DHRS4L2: variants seen among roughly 807,000 people sequenced by gnomAD.
DHRS4L2 encodes dehydrogenase/reductase SDR family member 4-like 2.
A neutral mutation model predicts 23.9 loss-of-function variants in DHRS4L2; 22 were observed. The observed-to-expected ratio is 0.92, with a 90% CI of 0.66 to 1.31. The LOEUF (loss-of-function observed/expected upper bound fraction) is 1.31, where lower values mean the gene tolerates loss of function less well. Ranked by LOEUF, DHRS4L2 falls within the 40% of genes most tolerant of loss-of-function variation. The pLI is 0.00. For missense variants in DHRS4L2, 385 were observed against 303.3 expected (o/e 1.27, Z -2.00); for synonymous variants, 141 against 123.7 (o/e 1.14, Z -0.93).
chr14:23,997,524 C>T (rs1283801920), intron 3 of DHRS4L2, among the ~76,000 whole-genome samples: 1 of 138,176 alleles, frequency 7.2e-6, no homozygotes, highest in Admixed American at 7.2e-5. Flanking sequence ...CCACTGCTTA[C>T]TCTACTAAGT....
chr14:23,982,645 C>T (rs2034074457), intron 1 of DHRS4L2, among the ~76,000 whole-genome samples: 6 of 151,490 alleles, frequency 4.0e-5, no homozygotes, highest in Admixed American at 3.9e-4. Context: ...GCATAAATAA[C>T]ACCACACACC....
chr14:23,975,577 C>A (rs909832992), intron 1 of DHRS4L2, among the ~76,000 whole-genome samples: 1 of 151,704 alleles, frequency 6.6e-6, no homozygotes, highest in Non-Finnish European at 1.5e-5. Context: ...TTGGAAAAAA[C>A]TACTTTAAAT....
At chr14:23,999,414 T>C (rs2034447450) in intron 3 of DHRS4L2, among the ~76,000 whole-genome samples, 1 of 150,258 alleles carries the variant, frequency 6.7e-6, no homozygotes, top group East Asian at 1.9e-4. Context: ...GTCTATAACT[T>C]TTCTTTTAAT....
chr14:23,982,582 G>A lies in DHRS4L2; in HGVS notation c.-175-7600G>A, dbSNP rs537385135. On this transcript the variant is annotated intron_variant, in intron 1 of 5. Transcript: ENST00000534993. ...CTGCAAGGCTACAGTAACCAAGACA[G>A]CATGGTAATAGTACCAAACAGATAT... is the stretch of plus-strand genomic sequence containing the variant. 5.3e-5 allele frequency among the ~76,000 whole-genome samples: 8 copies of A among 151,562 alleles called. No homozygotes were observed. In the East Asian group the frequency reaches 1.5e-3, roughly 29 times the overall value.
At chr14:23,978,246 G>A (rs959436441) in intron 1 of DHRS4L2, among the ~76,000 whole-genome samples, 1 of 150,628 alleles carries the variant, frequency 6.6e-6, no homozygotes, top group South Asian at 2.1e-4. Flanking sequence ...AGCATTGTTT[G>A]AAATAGCAAA....
intron 7 of DHRS4L2, among the ~76,000 whole-genome samples, chr14:24,005,214 TTTTC>T (rs1347105462): frequency 1.9e-5 from 2 of 105,420 alleles, no homozygotes; most frequent in East Asian, 5.3e-4. Flanking sequence ...GGGCTTTTGT[TTTTC>T]TTTGTCTTTT....
intron 1 of DHRS4L2, among the ~76,000 whole-genome samples, chr14:23,974,583 C>T (rs1411419192): frequency 6.6e-6 from 1 of 151,796 alleles, no homozygotes; most frequent in Non-Finnish European, 1.5e-5. Flanking sequence ...AGTGATCCCA[C>T]AGAAATACAC....
chr14:23,996,909 A>G (rs1346624655), intron 3 of DHRS4L2, among the ~76,000 whole-genome samples: 4 of 152,154 alleles, frequency 2.6e-5, no homozygotes, highest in East Asian at 1.9e-4. Flanking sequence ...TATTGGGATT[A>G]CAGGCATGAG....
At chr14:23,976,509 G>C (rs2033970066) in intron 1 of DHRS4L2, among the ~76,000 whole-genome samples, 1 of 151,802 alleles carries the variant, frequency 6.6e-6, no homozygotes, top group South Asian at 2.1e-4. Flanking sequence ...GTTGGTGGGA[G>C]TGTAAATTAG....
intron 3 of DHRS4L2, 139 bp downstream of exon 3, chr14:23,995,272 C>T (rs1051054891): frequency 2.0e-6 from 2 of 999,512 alleles, no homozygotes; most frequent in Non-Finnish European, 3.1e-6. Flanking sequence ...TGGAGCACAC[C>T]TTGCAAAGGG....
intron 3 of DHRS4L2, among the ~76,000 whole-genome samples, chr14:23,999,539 A>G (rs1321119740): frequency 2.0e-5 from 3 of 147,200 alleles, no homozygotes; most frequent in African/African-American, 5.0e-5. Flanking sequence ...ATTGAGGCCA[A>G]TATGTTAGAT....
At chr14:23,972,870 G>A (rs1174754265) in intron 1 of DHRS4L2, among the ~76,000 whole-genome samples, 4 of 151,944 alleles carry the variant, frequency 2.6e-5, no homozygotes, top group Non-Finnish European at 5.9e-5. Flanking sequence ...TCAGTTCAAG[G>A]GAAGGTACTA....
At chr14:23,990,841 T>G (rs956851814) in intron 2 of DHRS4L2, 6 of 466,528 alleles carry the variant, frequency 1.3e-5, no homozygotes, top group Non-Finnish European at 1.7e-5. Flanking sequence ...TCTCTCAGTC[T>G]GCAGACCCTG....
intron 1 of DHRS4L2, among the ~76,000 whole-genome samples, chr14:23,972,726 C>A (rs981049208): frequency 5.9e-5 from 9 of 151,954 alleles, no homozygotes; most frequent in African/African-American, 2.2e-4. Context: ...GCACCGGCAC[C>A]GGTCTCTGAA....
intron 3 of DHRS4L2, among the ~76,000 whole-genome samples, chr14:23,996,134 G>C (rs747593194): frequency 1.3e-5 from 2 of 151,660 alleles, no homozygotes; most frequent in Non-Finnish European, 2.9e-5. Flanking sequence ...TGAAATAATA[G>C]AGTGAGAACT....
chr14:23,990,417 C>T, intron 2 of DHRS4L2, 58 bp downstream of exon 2: 2 of 1,541,182 alleles, frequency 1.3e-6, no homozygotes, highest in Non-Finnish European at 1.8e-6. Flanking sequence ...CCAGCCTGAG[C>T]CTCCTTCCCT....
Position 24,000,978 on chromosome 14 carries a change from A to G in DHRS4L2, c.479+45A>G, listed in dbSNP as rs76909974. 146 of 1,610,256 alleles carry G rather than the reference A, an allele frequency of 9.1e-5. 10 individuals carry two copies. The highest frequency in any genetic ancestry group is 8.3e-4 in the African/African-American group (60 of 72,696). On this transcript the variant is annotated intron_variant, in intron 4 of 7. Coordinates refer to ENST00000335125, the MANE Select transcript of DHRS4L2 (RefSeq NM_198083.4). ...GCCTGGGTGAGAGGGGACCCCACAC[A>G]GGCTGAGGGCAGTGGTCCACACTGG...
intron 1 of DHRS4L2, among the ~76,000 whole-genome samples, chr14:23,983,150 T>C (rs2034082481): frequency 6.6e-6 from 1 of 151,262 alleles, no homozygotes; most frequent in Admixed American, 6.6e-5. Flanking sequence ...GGGGCTAATA[T>C]CCAAAATCTA....
Position 24,000,937 on chromosome 14 carries a change from C to G in DHRS4L2, c.479+4C>G. On this transcript the variant is annotated splice_donor_region_variant and intron_variant, in intron 4 of 7. Coordinates refer to ENST00000335125, the MANE Select transcript of DHRS4L2 (RefSeq NM_198083.4). Reference sequence around the variant, plus strand: ...TGCCAGAAATGGAGAAACGAGGGTACAGAGAGTGAGAGAGAGCCTGGGTGA... The same window carrying G: ...TGCCAGAAATGGAGAAACGAGGGTAGAGAGAGTGAGAGAGAGCCTGGGTGA... The G allele has an allele frequency of 1.2e-6, 2 of 1,611,348 alleles. No individual in the cohort carries two copies.
Sources: gnomAD v4.1 joint callset for allele counts (sites outside exome capture counted in the v4.1 genomes callset) on GRCh38, gnomAD v4.1.1 for gene constraint, MANE v1.5 for transcripts, NCBI Gene and HGNC (gene_info 2026-07-23, HGNC 2026-07-21) for gene names.